The following SVOP variants were observed in gnomAD, a reference collection of about 807,000 sequenced individuals.
SVOP encodes the protein SV2 related protein, also known as synaptic vesicle 2-related protein.
Under a neutral mutation model 69.1 loss-of-function variants are expected in SVOP, and 17 were observed. The observed-to-expected ratio is 0.25, with a 90% CI of 0.17 to 0.37. The LOEUF is 0.37. Ranked by LOEUF, SVOP falls within the 10% of genes least tolerant of loss-of-function variation. SVOP has a pLI of 1.00. For synonymous variants in SVOP, 238 were observed against 238.6 expected, an observed-to-expected ratio of 1.00 and a Z score of 0.02; for missense variants, 435 against 597.5, an observed-to-expected ratio of 0.73 and a Z score of 2.84.
chr12:109,006,462 CAAG>C (rs1160051899), intron 1 of SVOP, among the ~76,000 whole-genome samples: 1 of 152,010 alleles, frequency 6.6e-6, no homozygotes, highest in Non-Finnish European at 1.5e-5. Context: ...TTACAGATCC[CAAG>C]AAGAAGGGGC....
At chr12:108,933,677 CAAAAATA>C (rs1199216149) in intron 11 of SVOP, among the ~76,000 whole-genome samples, 2 of 151,122 alleles carry the variant, frequency 1.3e-5, no homozygotes, top group African/African-American at 2.4e-5. Context: ...AAGACTCCGT[CAAAAATA>C]AAAAATAAAA....
chr12:108,955,956 G>T (rs910820627), intron 6 of SVOP, among the ~76,000 whole-genome samples: 3 of 152,096 alleles, frequency 2.0e-5, no homozygotes, highest in Non-Finnish European at 4.4e-5. Context: ...AGAGCAGCCA[G>T]GATTCAAACC....
At chr12:108,946,066 A>G (rs1309976898) in intron 6 of SVOP, among the ~76,000 whole-genome samples, 1 of 152,158 alleles carries the variant, frequency 6.6e-6, no homozygotes, top group Non-Finnish European at 1.5e-5. Context: ...TAAGTCATCT[A>G]CCACTGTGAT....
intron 7 of SVOP, among the ~76,000 whole-genome samples, chr12:108,941,239 CTG>C (rs1030844999): frequency 1.3e-5 from 2 of 152,262 alleles, no homozygotes; most frequent in Non-Finnish European, 2.9e-5. Context: ...CTCTGTCTCT[CTG>C]TCTTTTTGTC....
chr12:109,009,161 C>T (rs1309048000), intron 1 of SVOP, among the ~76,000 whole-genome samples: 1 of 151,586 alleles, frequency 6.6e-6, no homozygotes, highest in East Asian at 2.0e-4. Context: ...AGGGTTTTGC[C>T]GTGTTGGCCA....
chr12:109,004,449 T>C (rs1227479495), intron 1 of SVOP, among the ~76,000 whole-genome samples: 1 of 149,590 alleles, frequency 6.7e-6, no homozygotes, highest in Non-Finnish European at 1.5e-5. Context: ...TCTTACTCTG[T>C]TGCCCAAGTT....
chr12:109,003,007 A>AAAG (rs1374943912), intron 1 of SVOP, among the ~76,000 whole-genome samples: 1 of 13,836 alleles, frequency 7.2e-5, no homozygotes, highest in Non-Finnish European at 3.4e-3. Flanking sequence ...ATAAATAAAA[A>AAAG]TAAAAATAAA....
chr12:108,949,518 C>T (rs773926859), intron 6 of SVOP, among the ~76,000 whole-genome samples: 1 of 152,142 alleles, frequency 6.6e-6, no homozygotes, highest in Non-Finnish European at 1.5e-5. Context: ...GATCCACCCA[C>T]CTCAGCCTCC....
chr12:108,973,518 A>T (rs1257694781), intron 4 of SVOP, among the ~76,000 whole-genome samples: 2 of 152,088 alleles, frequency 1.3e-5, no homozygotes, highest in African/African-American at 2.4e-5. Context: ...CAGCCTCCTG[A>T]GTAGGGGAGA....
intron 11 of SVOP, among the ~76,000 whole-genome samples, chr12:108,932,052 A>C (rs1308889452): frequency 6.6e-6 from 1 of 151,966 alleles, no homozygotes; most frequent in Non-Finnish European, 1.5e-5. Context: ...TCTCGCTCTC[A>C]CCCAGGCTGG....
chr12:108,916,391 T>A lies in SVOP; in HGVS notation c.1351-519A>T, dbSNP rs190980681. Among the ~76,000 whole-genome samples the A allele has an allele frequency of 2.0e-5, 3 of 152,348 alleles. No homozygotes were observed. In the East Asian group the frequency reaches 5.8e-4, roughly 29 times the overall value. On this transcript the variant is annotated intron_variant, in intron 14 of 15. Coordinates refer to ENST00000610966, the MANE Select transcript of SVOP (RefSeq NM_018711.5). The stretch of plus-strand genomic sequence containing the variant: ...TTCTCCTCTCCCTTCCCATGTCTGC[T>A]GGCTGCGAGAAGGACTCCATGGCCC...
chr12:108,956,301 C>CAAAA (rs36126786), intron 6 of SVOP, among the ~76,000 whole-genome samples: 12 of 138,090 alleles, frequency 8.7e-5, no homozygotes, highest in Admixed American at 2.9e-4. Context: ...GATTCCGTCT[C>CAAAA]AAAAAAAAAA....
At chr12:109,007,391 A>G (rs1593208412) in intron 1 of SVOP, among the ~76,000 whole-genome samples, 1 of 152,286 alleles carries the variant, frequency 6.6e-6, no homozygotes, top group East Asian at 1.9e-4. Context: ...CAGGAGATGA[A>G]CCTCTTCTTC....
intron 7 of SVOP, among the ~76,000 whole-genome samples, chr12:108,941,110 C>T (rs2039888989): frequency 6.6e-6 from 1 of 152,160 alleles, no homozygotes; most frequent in Non-Finnish European, 1.5e-5. Context: ...TACCATTATA[C>T]ACTGTATAAT....
At chr12:108,916,025 C>A (rs980454066) in intron 14 of SVOP, among the ~76,000 whole-genome samples, 153 bp from the exon 15 acceptor site, 21 of 152,182 alleles carry the variant, frequency 1.4e-4, no homozygotes, top group African/African-American at 4.8e-4. Context: ...GGGATCCTCA[C>A]CCCAAAGGGC....
At position 109,012,568 on chromosome 12, in the gene SVOP, A is replaced by T. The variant is rs191143704; in HGVS notation, c.35+8266T>A. On this transcript the variant is annotated intron_variant, in intron 1 of 15. Transcript: ENST00000610966. ...ATTTTTTAAAATATTAAAATAATTA[A>T]AAAAATTTCATGTAATCAGTAGTCA... Among the ~76,000 whole-genome samples, 171 of 152,304 alleles carry T rather than the reference A, an allele frequency of 1.1e-3. 2 individuals are homozygous for T. Among genetic ancestry groups the T allele is most frequent in the East Asian group, 0.01 (52 of 5,190 alleles).
chr12:108,948,548 A>G (rs1415309086), intron 6 of SVOP, among the ~76,000 whole-genome samples: 9 of 152,230 alleles, frequency 5.9e-5, no homozygotes, highest in Admixed American at 3.9e-4. Flanking sequence ...GTTTGTCTAT[A>G]TCATGCAGCC....
At chr12:108,959,282 C>T (rs1245136288) in intron 6 of SVOP, among the ~76,000 whole-genome samples, 1 of 152,090 alleles carries the variant, frequency 6.6e-6, no homozygotes, top group East Asian at 1.9e-4. Context: ...AATAGAATCC[C>T]TTTGGCCTGG....
chr12:108,928,210 C>T (rs533935827), intron 11 of SVOP, among the ~76,000 whole-genome samples: 1 of 152,160 alleles, frequency 6.6e-6, no homozygotes, highest in Non-Finnish European at 1.5e-5. Flanking sequence ...AGCCAACCCC[C>T]ACACCCCCCT....
Sources: allele counts gnomAD v4.1 joint callset (sites outside exome capture counted in the v4.1 genomes callset), GRCh38; gene constraint gnomAD v4.1.1; transcripts MANE v1.5; gene names NCBI Gene and HGNC (gene_info 2026-07-23, HGNC 2026-07-21).